NAALADL2: variants seen among roughly 807,000 people sequenced by gnomAD.
NAALADL2 encodes inactive N-acetylated-alpha-linked acidic dipeptidase-like protein 2.
In NAALADL2, 76 loss-of-function variants were observed where a neutral mutation model predicts 87.2. That is an observed-to-expected ratio of 0.87 (90% confidence interval 0.72 to 1.05). The LOEUF is 1.05. Among genes scored for constraint, NAALADL2 ranks in the 50% least tolerant of loss-of-function variants. The pLI is 0.00. For missense variants in NAALADL2, 1,089 were observed against 945.8 expected (o/e 1.15, Z -1.99); for synonymous variants, 354 against 331.0 (o/e 1.07, Z -0.75).
At chr3:175,460,123 G>C in intron 6 of NAALADL2, 1 of 456,170 alleles carries the variant, frequency 2.2e-6, no homozygotes, top group Non-Finnish European at 4.4e-6. Context: ...GCTATGAAGA[G>C]TAATATTGCC....
chr3:175,511,496 C>A (rs1678008876), intron 9 of NAALADL2, among the ~76,000 whole-genome samples: 1 of 152,158 alleles, frequency 6.6e-6, no homozygotes, highest in South Asian at 2.1e-4. Flanking sequence ...CATCTGCAAG[C>A]CAGGAAGAAA....
At chr3:174,633,179 A>C (rs972867402) in intron 2 of NAALADL2, among the ~76,000 whole-genome samples, 1 of 150,452 alleles carries the variant, frequency 6.6e-6, no homozygotes, top group African/African-American at 2.4e-5. Context: ...TCCAGAGAAC[A>C]AAAAAAAACA....
chr3:174,587,802 C>T (rs914587325), intron 2 of NAALADL2, among the ~76,000 whole-genome samples: 2 of 152,118 alleles, frequency 1.3e-5, no homozygotes, highest in African/African-American at 4.8e-5. Context: ...TCTGGCTGCC[C>T]TTAACATTTT....
At chr3:175,314,806 T>TA (rs1294861223) in intron 4 of NAALADL2, among the ~76,000 whole-genome samples, 2 of 148,120 alleles carry the variant, frequency 1.4e-5, no homozygotes, top group Admixed American at 6.8e-5. Flanking sequence ...AGCATCCATG[T>TA]AATACACTTG....
chr3:175,255,683 G>A (rs1341151333), intron 3 of NAALADL2, among the ~76,000 whole-genome samples: 3 of 152,052 alleles, frequency 2.0e-5, no homozygotes, highest in African/African-American at 4.8e-5. Flanking sequence ...TACAAGAGAA[G>A]GTTTTTATTG....
chr3:174,779,426 C>A (rs1050480314), intron 3 of NAALADL2, among the ~76,000 whole-genome samples: 5 of 152,064 alleles, frequency 3.3e-5, no homozygotes, highest in Non-Finnish European at 5.9e-5. Context: ...CTGTAGATTG[C>A]CTATTCACTC....
intron 2 of NAALADL2, among the ~76,000 whole-genome samples, chr3:175,228,511 AG>A (rs1379173853): frequency 6.6e-6 from 1 of 151,830 alleles, no homozygotes; most frequent in Non-Finnish European, 1.5e-5. Flanking sequence ...GAAATTCCCA[AG>A]GAAAAAAAAA....
intron 4 of NAALADL2, among the ~76,000 whole-genome samples, chr3:175,299,770 T>C (rs558897181): frequency 6.6e-6 from 1 of 152,288 alleles, no homozygotes; most frequent in African/African-American, 2.4e-5. Context: ...TATTTGAATA[T>C]GCTTTATTTC....
At chr3:175,243,913 T>C (rs1301937168) in intron 3 of NAALADL2, among the ~76,000 whole-genome samples, 1 of 152,142 alleles carries the variant, frequency 6.6e-6, no homozygotes, top group Non-Finnish European at 1.5e-5. Context: ...TATTTTGAAA[T>C]ATAAACCTTC....
At chr3:175,434,600 G>T (rs1323498920) in intron 5 of NAALADL2, among the ~76,000 whole-genome samples, 3 of 151,990 alleles carry the variant, frequency 2.0e-5, no homozygotes, top group Non-Finnish European at 1.5e-5. Flanking sequence ...GTGTGCTTAT[G>T]ATCTGGTATG....
intron 9 of NAALADL2, among the ~76,000 whole-genome samples, chr3:175,566,052 A>G (rs1347234358): frequency 6.6e-6 from 1 of 151,424 alleles, no homozygotes; most frequent in Non-Finnish European, 1.5e-5. Context: ...CTGGTCTTGA[A>G]CCCCTGACCT....
chr3:175,174,518 TAAAA>T (rs1348211652), intron 2 of NAALADL2, among the ~76,000 whole-genome samples: 7 of 151,944 alleles, frequency 4.6e-5, no homozygotes, highest in Admixed American at 2.0e-4. Context: ...TATATTCTGA[TAAAA>T]GAAATAAAAA....
At chr3:175,074,993 A>T (rs996243659) in intron 1 of NAALADL2, among the ~76,000 whole-genome samples, 17 of 152,116 alleles carry the variant, frequency 1.1e-4, no homozygotes, top group African/African-American at 4.1e-4. Flanking sequence ...TGTTAGAGAG[A>T]TACGTAAGCA....
intron 2 of NAALADL2, among the ~76,000 whole-genome samples, chr3:174,617,142 T>C (rs1344900241): frequency 2.0e-5 from 3 of 151,786 alleles, no homozygotes; most frequent in Non-Finnish European, 4.4e-5. Context: ...CTAAATCTAA[T>C]GCAAAAGGCT....
chr3:174,912,601 A>G (rs559753076), intron 1 of NAALADL2, among the ~76,000 whole-genome samples: 1 of 152,288 alleles, frequency 6.6e-6, no homozygotes, highest in Middle Eastern at 3.4e-3. Flanking sequence ...CTCCTTTTCT[A>G]GCTTTCGCAG....
intron 2 of NAALADL2, among the ~76,000 whole-genome samples, chr3:174,623,070 A>T (rs769858832): frequency 8.5e-5 from 13 of 152,156 alleles, no homozygotes; most frequent in Non-Finnish European, 1.8e-4. Flanking sequence ...ATCTGTCTGA[A>T]ATGGTGGGCA....
chr3:174,659,750 C>G (rs532822107), intron 2 of NAALADL2, among the ~76,000 whole-genome samples: 1 of 152,134 alleles, frequency 6.6e-6, no homozygotes, highest in Non-Finnish European at 1.5e-5. Context: ...TAAATGGCAA[C>G]AAACCCATCT....
At position 174,930,822 on chromosome 3, in the gene NAALADL2, T is replaced by C. The variant is rs181941068; in HGVS notation, c.43+71372T>C. On this transcript the variant is annotated intron_variant, in intron 1 of 13. Transcript: ENST00000454872. ...TATTTTTATTAGAGACGGGGTTTCATCGTGTTAGCCGGGATGGTCTCCTTC... is the reference window on the plus strand; with the variant it reads ...TATTTTTATTAGAGACGGGGTTTCACCGTGTTAGCCGGGATGGTCTCCTTC... Among the ~76,000 whole-genome samples the C allele has an allele frequency of 1.3e-4, 19 of 151,746 alleles. No individual in the cohort carries two copies. In the East Asian group the frequency reaches 2.5e-3, roughly 20 times the overall value.
chr3:174,600,021 G>A (rs1216699126), intron 2 of NAALADL2, among the ~76,000 whole-genome samples: 1 of 151,966 alleles, frequency 6.6e-6, no homozygotes, highest in Non-Finnish European at 1.5e-5. Context: ...ACTTAGATAG[G>A]AATAGCATTA....
Sources: gnomAD v4.1 joint callset for allele counts (sites outside exome capture counted in the v4.1 genomes callset) on GRCh38, gnomAD v4.1.1 for gene constraint, MANE v1.5 for transcripts, NCBI Gene and HGNC (gene_info 2026-07-23, HGNC 2026-07-21) for gene names.